Variants in PXK observed in about 807,000 individuals in gnomAD.
PXK encodes PX domain-containing protein kinase-like protein.
Under a neutral mutation model 84.7 loss-of-function variants are expected in PXK, and 35 were observed. The observed-to-expected ratio is 0.41, with a 90% CI of 0.32 to 0.55. The LOEUF (loss-of-function observed/expected upper bound fraction) is 0.55, where lower values mean the gene tolerates loss of function less well. PXK is among the 20% of genes least tolerant of loss of function. PXK has a pLI of 0.21. For synonymous variants in PXK, 253 were observed against 260.8 expected (o/e 0.97, Z 0.29); for missense variants, 634 against 699.7 (o/e 0.91, Z 1.06).
rs1241556681 is a variant in PXK at position 58,333,134 on chromosome 3, G to C, written c.102+44G>C. On this transcript the variant is annotated intron_variant, in intron 1 of 17. Transcript: ENST00000356151. This position sits in a 1 kb window ranked among gnomAD's most constrained non-coding sequence, Gnocchi z 5.4. ...GGGCGGGCGGCGTGGGGCGGCCCCGGGCCGCGAGGGGGCTGCGGGCTGCCT... is the reference window on the plus strand; with the variant it reads ...GGGCGGGCGGCGTGGGGCGGCCCCGCGCCGCGAGGGGGCTGCGGGCTGCCT... 9.6e-7 allele frequency: 1 copy of C among 1,037,466 alleles called. No individual in the cohort carries two copies. Among genetic ancestry groups the C allele is most frequent in the Non-Finnish European group, 1.2e-6 (1 of 858,204 alleles). The allele number at this position is 1,037,466 out of a possible 1,614,324, so 64.3% of individuals were successfully genotyped here. A position where few individuals can be genotyped will look rare whatever the true frequency, so the allele number is the denominator to read the frequency against.
At chr3:58,378,327 G>A (rs2098460909) in intron 3 of PXK, among the ~76,000 whole-genome samples, 1 of 151,914 alleles carries the variant, frequency 6.6e-6, no homozygotes, top group Non-Finnish European at 1.5e-5. Context: ...GTAAAATAAA[G>A]CCCACAGTAG....
Position 58,424,908 on chromosome 3 carries a change from G to A in PXK, c.1685G>A (p.Gly562Glu). Residue 562 changes from glycine to glutamate, a missense_variant, in exon 18 of 18, where the codon GGA becomes GAA. Physicochemically the swap from Gly to Glu is moderately conservative, Grantham distance 98 (BLOSUM62 -2). This residue lies in a region of PXK where 273 missense variants were observed against 283.6 expected (regional missense o/e 0.96). Transcript: ENST00000356151. ...AGCTCCATCCAGAATTTCCAAAAAG[G>A]AACTTTGAGGAAAGCCAAAACCTGT... The part of the protein sequence containing the change: ...LLSSIQNFQK[G>E]TLRKAKTCDH... The A allele has an allele frequency of 6.2e-7, 1 of 1,614,194 alleles. No homozygotes were observed. Among genetic ancestry groups the A allele is most frequent in the Non-Finnish European group, 8.5e-7 (1 of 1,180,042 alleles).
intron 3 of PXK, among the ~76,000 whole-genome samples, chr3:58,378,505 TTTTTTTTTGTGTGTGTGTGTGTGTG>T (rs1265681486): frequency 0.018 from 1,456 of 81,736 alleles, 57 homozygotes; most frequent in South Asian, 0.059. Context: ...TTTTTTTTTT[TTTTTTTTTGTGTGTGTGTGTGTGTG>T]TGTGTGTGTG....
intron 1 of PXK, among the ~76,000 whole-genome samples, chr3:58,336,069 ATATTTTTTT>A (rs1207143238): frequency 8.3e-4 from 47 of 56,604 alleles, no homozygotes; most frequent in African/African-American, 5.1e-3. Context: ...ATATATATAT[ATATTTTTTT>A]TTTTTTTTTT....
rs2098523539 is a variant in PXK, at chr3:58,383,403, T to C, written c.388+703T>C. On this transcript the variant is annotated intron_variant, in intron 4 of 17. Transcript: ENST00000356151. This position sits in a 1 kb window ranked among gnomAD's most constrained non-coding sequence, Gnocchi z 4.0. Reference sequence around the variant, plus strand: ...CATACAATAATCTTAATCTGATTTGTATTTGGCTCTGTTTTTGTATTTACA... The same window carrying C: ...CATACAATAATCTTAATCTGATTTGCATTTGGCTCTGTTTTTGTATTTACA... Among the ~76,000 whole-genome samples, 1 of 152,238 alleles carries C rather than the reference T, an allele frequency of 6.6e-6. No individual in the cohort carries two copies. The highest frequency in any genetic ancestry group is 2.4e-5 in the African/African-American group (1 of 41,472).
chr3:58,375,356 T>C (rs2098432097), intron 3 of PXK, among the ~76,000 whole-genome samples: 1 of 152,096 alleles, frequency 6.6e-6, no homozygotes, highest in South Asian at 2.1e-4. Flanking sequence ...AAAAAAGTAG[T>C]AAATGAGCAC....
rs990326603 is a variant in PXK at position 58,421,034 on chromosome 3, C to G, written c.1529-3718C>G. 24 of 1,002,618 alleles carry G rather than the reference C, an allele frequency of 2.4e-5. No individual in the cohort carries two copies. The highest frequency in any genetic ancestry group is 2.9e-5 in the Non-Finnish European group (24 of 841,040). 62.1% of individuals were successfully genotyped at this position (1,002,618 alleles called of 1,614,324 possible). ...GGAAAAACAGTTCTTTTGTAAGCAT[C>G]CTTTATAATTCTCGAGCTGTGACAG... On this transcript the variant is annotated intron_variant, in intron 17 of 17. Coordinates refer to ENST00000356151, the MANE Select transcript of PXK (RefSeq NM_017771.5). This position sits in a 1 kb window ranked among gnomAD's most constrained non-coding sequence, Gnocchi z 5.5.
At chr3:58,378,033 T>C (rs2098458320) in intron 3 of PXK, among the ~76,000 whole-genome samples, 1 of 152,242 alleles carries the variant, frequency 6.6e-6, no homozygotes, top group Non-Finnish European at 1.5e-5. Flanking sequence ...CCGTACAACT[T>C]ATGCCTGCCC....
chr3:58,360,513 C>T (rs1575988898), intron 1 of PXK, among the ~76,000 whole-genome samples: 1 of 152,062 alleles, frequency 6.6e-6, no homozygotes, highest in Non-Finnish European at 1.5e-5. Context: ...GTTAGTAAAA[C>T]AGGCTGGGCG....
In PXK at chr3:58,390,681, T is replaced by G. The variant is rs763825038; in HGVS notation, c.466+22T>G. The G allele has an allele frequency of 3.1e-6, 5 of 1,601,982 alleles. No homozygotes were observed. The African/African-American group carries it at 5.4e-5, about 17-fold the overall frequency. ...ATAGGTGAGACATTGGCACGCTCATTCTGTTAAAAAGACAGATCACAGAAC... is the reference window on the plus strand; with the variant it reads ...ATAGGTGAGACATTGGCACGCTCATGCTGTTAAAAAGACAGATCACAGAAC... On this transcript the variant is annotated intron_variant, in intron 5 of 17. Transcript: ENST00000356151. This position sits in a 1 kb window ranked among gnomAD's most constrained non-coding sequence, Gnocchi z 4.2.
At chr3:58,360,134 T>TA (rs889054041) in intron 1 of PXK, among the ~76,000 whole-genome samples, 12 of 151,016 alleles carry the variant, frequency 7.9e-5, no homozygotes, top group Admixed American at 2.6e-4. Flanking sequence ...ACCTTATCTT[T>TA]AAAAAAAAAT....
intron 7 of PXK, 22 bp downstream of exon 7, chr3:58,391,869 A>G: frequency 6.3e-7 from 1 of 1,576,106 alleles, no homozygotes; most frequent in South Asian, 1.1e-5. Flanking sequence ...TCTTTCTTTT[A>G]TTCTCAGTGC....
chr3:58,333,160 G>A lies in PXK; in HGVS notation c.102+70G>A. The A allele has an allele frequency of 1.1e-6, 1 of 917,420 alleles. No homozygotes were observed. The highest frequency in any genetic ancestry group is 1.3e-6 in the Non-Finnish European group (1 of 760,414). The allele number at this position is 917,420 out of a possible 1,614,324, so 56.8% of individuals were successfully genotyped here. On this transcript the variant is annotated intron_variant, in intron 1 of 17. Transcript: ENST00000356151. This position sits in a 1 kb window ranked among gnomAD's most constrained non-coding sequence, Gnocchi z 5.4. ...GCCGCGAGGGGGCTGCGGGCTGCCT[G>A]GCGCGGGCCGGGCAGGGTCGTCGGA...
chr3:58,372,464 A>G (rs2098388319), intron 3 of PXK, among the ~76,000 whole-genome samples: 1 of 151,758 alleles, frequency 6.6e-6, no homozygotes, highest in South Asian at 2.1e-4. Flanking sequence ...CTGGGACTAC[A>G]GGCGCCCGCC....
chr3:58,391,559 G>A (rs1281003133), intron 6 of PXK, among the ~76,000 whole-genome samples: 1 of 151,974 alleles, frequency 6.6e-6, no homozygotes, highest in African/African-American at 2.4e-5. Flanking sequence ...GAGTTTTAGT[G>A]ATAGATTTGG....
At chr3:58,424,535 C>G (rs1010789720) in intron 17 of PXK, among the ~76,000 whole-genome samples, 1 of 152,216 alleles carries the variant, frequency 6.6e-6, no homozygotes, top group Non-Finnish European at 1.5e-5. Context: ...CAGCCTTTAA[C>G]ATGACTATTG....
rs893012507 is a variant in PXK, at chr3:58,399,400, T to C, written c.1181+23T>C. ...GCCGTAAGTCAATCATATGCGTTGG[T>C]TGTAATCTTGATAACTATGTTGAAC... On this transcript the variant is annotated intron_variant, in intron 12 of 17. Transcript: ENST00000356151. This position sits in a 1 kb window ranked among gnomAD's most constrained non-coding sequence, Gnocchi z 4.3. 3 of 1,593,072 alleles carry C rather than the reference T, an allele frequency of 1.9e-6. No individual in the cohort carries two copies. Among genetic ancestry groups the C allele is most frequent in the Non-Finnish European group, 2.6e-6 (3 of 1,161,392 alleles).
chr3:58,388,569 T>C (rs13069922), intron 4 of PXK, among the ~76,000 whole-genome samples: 1 of 152,306 alleles, frequency 6.6e-6, no homozygotes, highest in African/African-American at 2.4e-5. Context: ...ATAATGAAAG[T>C]CTGTGTGTTT....
chr3:58,406,313 G>C (rs1300234258), intron 13 of PXK, among the ~76,000 whole-genome samples: 3 of 140,980 alleles, frequency 2.1e-5, no homozygotes, highest in African/African-American at 7.9e-5. Context: ...GCGATTTTTT[G>C]TTGCCAGGCT....
Sources: gnomAD v4.1 joint callset for allele counts (sites outside exome capture counted in the v4.1 genomes callset) on GRCh38, gnomAD v4.1.1 for gene constraint, gnomAD v4.1.1 regional missense constraint, Gnocchi (gnomAD v3.1) non-coding constraint, MANE v1.5 for transcripts, NCBI Gene and HGNC (gene_info 2026-07-23, HGNC 2026-07-21) for gene names.